Variants in KCNQ5 observed in about 807,000 individuals in gnomAD.
The protein encoded by KCNQ5 is potassium voltage-gated channel subfamily KQT member 5.
A neutral mutation model predicts 98.2 loss-of-function variants in KCNQ5; 30 were observed. The ratio of observed to expected loss-of-function variants is 0.31; its 90% CI spans 0.23 to 0.41. The LOEUF is 0.41. Ranked by LOEUF, KCNQ5 falls within the 10% of genes least tolerant of loss-of-function variation. The pLI is 1.00. For missense variants in KCNQ5, 835 were observed against 1,182.5 expected (o/e 0.71, Z 4.31); for synonymous variants, 458 against 449.4 (o/e 1.02, Z -0.24).
At chr6:73,182,866 A>G (rs1243085535) in intron 11 of KCNQ5, among the ~76,000 whole-genome samples, 2 of 152,222 alleles carry the variant, frequency 1.3e-5, no homozygotes, top group African/African-American at 4.8e-5. Context: ...AGACTGATGT[A>G]TATATCCTAC....
At chr6:72,993,947 G>A (rs1404211711) in intron 1 of KCNQ5, among the ~76,000 whole-genome samples, 1 of 97,936 alleles carries the variant, frequency 1.0e-5, no homozygotes. Flanking sequence ...CCCCTGCTGG[G>A]GGGTTCCTCC....
At chr6:72,977,570 T>G (rs980045878) in intron 1 of KCNQ5, among the ~76,000 whole-genome samples, 10 of 152,158 alleles carry the variant, frequency 6.6e-5, no homozygotes, top group Non-Finnish European at 1.3e-4. Flanking sequence ...GGAAGACCTA[T>G]GCAGGCTGAA....
At chr6:72,986,494 G>C in intron 1 of KCNQ5, 1 of 509,316 alleles carries the variant, frequency 2.0e-6, no homozygotes, top group Non-Finnish European at 3.6e-6. Flanking sequence ...TCTCCTATAA[G>C]AGCCACATCC....
intron 1 of KCNQ5, among the ~76,000 whole-genome samples, chr6:72,642,131 G>A (rs2098927526): frequency 6.7e-6 from 1 of 149,236 alleles, no homozygotes; most frequent in South Asian, 2.2e-4. Flanking sequence ...TTTGTCCTAG[G>A]GAAGAGGGTT....
At chr6:73,053,015 T>C (rs994214308) in intron 3 of KCNQ5, among the ~76,000 whole-genome samples, 3 of 152,112 alleles carry the variant, frequency 2.0e-5, no homozygotes, top group Admixed American at 2.0e-4. Context: ...TCACATGCAG[T>C]GACACACATA....
chr6:72,947,406 A>AT (rs929357969), intron 1 of KCNQ5, among the ~76,000 whole-genome samples: 5 of 152,198 alleles, frequency 3.3e-5, no homozygotes, highest in Non-Finnish European at 7.4e-5. Context: ...ACTGATAAAC[A>AT]TAACGGAGAT....
Position 72,854,538 on chromosome 6 carries a change from A to G in KCNQ5, c.399-149370A>G, listed in dbSNP as rs150799679. 5.9e-3 allele frequency among the ~76,000 whole-genome samples: 893 copies of G among 151,968 alleles called. 7 individuals are homozygous for G. The highest frequency in any genetic ancestry group is 0.021 in the African/African-American group (858 of 41,510). On this transcript the variant is annotated intron_variant, in intron 1 of 13. Transcript: ENST00000370398. ...TAAAAATAATCCAAAAAAGTTTACG[A>G]TGTCTATCATTAAGTCTTAAAAGAG...
At chr6:72,646,443 G>C (rs1192687211) in intron 1 of KCNQ5, among the ~76,000 whole-genome samples, 1 of 152,060 alleles carries the variant, frequency 6.6e-6, no homozygotes. Context: ...TACCAAATAT[G>C]ACAGTTATCC....
chr6:72,901,242 T>C (rs1779492031), intron 1 of KCNQ5, among the ~76,000 whole-genome samples: 1 of 151,724 alleles, frequency 6.6e-6, no homozygotes, highest in Non-Finnish European at 1.5e-5. Context: ...TTGTAGATTC[T>C]GGATATTAGT....
chr6:72,979,593 T>C (rs550712332), intron 1 of KCNQ5, among the ~76,000 whole-genome samples: 19 of 152,342 alleles, frequency 1.2e-4, no homozygotes, highest in South Asian at 2.1e-4. Context: ...GTTAGATGGG[T>C]AGATTGCAAA....
chr6:72,861,260 G>T (rs1037115204), intron 1 of KCNQ5, among the ~76,000 whole-genome samples: 1 of 152,262 alleles, frequency 6.6e-6, no homozygotes, highest in South Asian at 2.1e-4. Context: ...TAACTATGCA[G>T]ACCAAGCAGC....
chr6:72,793,635 A>G (rs1010740774), intron 1 of KCNQ5, among the ~76,000 whole-genome samples: 3 of 152,246 alleles, frequency 2.0e-5, no homozygotes, highest in Admixed American at 6.5e-5. Flanking sequence ...ATTTAATTAT[A>G]TTATCAAAGG....
At chr6:73,018,495 G>GT (rs1034579337) in intron 2 of KCNQ5, among the ~76,000 whole-genome samples, 231 of 148,850 alleles carry the variant, frequency 1.6e-3, no homozygotes, top group African/African-American at 5.0e-3. Flanking sequence ...CACTTCTGCA[G>GT]TTTTTTTTTT....
chr6:73,171,088 A>G (rs905142690), intron 11 of KCNQ5, among the ~76,000 whole-genome samples: 1 of 152,152 alleles, frequency 6.6e-6, no homozygotes, highest in South Asian at 2.1e-4. Flanking sequence ...TATAGCTGAG[A>G]GTCACTGGGA....
At chr6:72,871,566 G>A (rs539541178) in intron 1 of KCNQ5, among the ~76,000 whole-genome samples, 42 of 152,238 alleles carry the variant, frequency 2.8e-4, no homozygotes, top group African/African-American at 8.9e-4. Flanking sequence ...ATAATAACTC[G>A]CTTGTAGTTG....
chr6:73,063,660 AGATAGATGATAGATAGATAGATAGAT>A (rs1772888394), intron 3 of KCNQ5, among the ~76,000 whole-genome samples: 5 of 76,236 alleles, frequency 6.6e-5, no homozygotes, highest in South Asian at 9.2e-4. Context: ...GATGATAGAT[AGATAGATGATAGATAGATAGATAGAT>A]GATAGATAGA....
At position 73,195,105 on chromosome 6, in the gene KCNQ5, G is replaced by T; in HGVS notation, c.2490G>T (p.Leu830Phe). 6.2e-7 allele frequency: 1 copy of T among 1,614,216 alleles called. No individual in the cohort carries two copies. The highest frequency in any genetic ancestry group is 8.5e-7 in the Non-Finnish European group (1 of 1,180,042). Residue 830 changes from leucine to phenylalanine, a missense_variant, in exon 14 of 14, where the codon TTG (leucine) becomes TTT (phenylalanine). Around this residue, in one of 10 missense-constraint regions of KCNQ5, gnomAD observed 416 missense variants for 446.9 expected, o/e 0.93. Transcript: ENST00000370398. ...TGCCGAAGGACTTGGGCAAATCTTT[G>T]TCTGTGCAAAACCTGATCAGGTCGA... ...PMVPKDLGKS[L>F]SVQNLIRSTE...
chr6:72,829,752 A>G (rs1287568344), intron 1 of KCNQ5, among the ~76,000 whole-genome samples: 1 of 152,182 alleles, frequency 6.6e-6, no homozygotes, highest in Non-Finnish European at 1.5e-5. Flanking sequence ...AAGCATACAA[A>G]AGGTGGAATG....
intron 8 of KCNQ5, among the ~76,000 whole-genome samples, chr6:73,121,091 C>A (rs1775728642): frequency 6.6e-6 from 1 of 152,070 alleles, no homozygotes; most frequent in Non-Finnish European, 1.5e-5. Flanking sequence ...AATAGGAGTC[C>A]TAATAGGATT....
Sources: gnomAD v4.1 joint callset for allele counts (sites outside exome capture counted in the v4.1 genomes callset) on GRCh38, gnomAD v4.1.1 for gene constraint, gnomAD v4.1.1 regional missense constraint, MANE v1.5 for transcripts, NCBI Gene and HGNC (gene_info 2026-07-23, HGNC 2026-07-21) for gene names.